Variants in ABCC11 observed in about 807,000 individuals in gnomAD.
ABCC11 encodes the protein ATP-binding cassette sub-family C member 11.
Under a neutral mutation model 149.3 loss-of-function variants are expected in ABCC11, and 135 were observed. The ratio of observed to expected loss-of-function variants is 0.90; its 90% CI spans 0.79 to 1.04. The LOEUF (loss-of-function observed/expected upper bound fraction) is 1.04, where lower values mean the gene tolerates loss of function less well. Among genes scored for constraint, ABCC11 ranks in the 50% least tolerant of loss-of-function variants. ABCC11 has a pLI of 0.00. For synonymous variants in ABCC11, 665 were observed against 671.4 expected, an observed-to-expected ratio of 0.99 and a Z score of 0.15; for missense variants, 1,680 against 1,722.1, an observed-to-expected ratio of 0.98 and a Z score of 0.43.
At chr16:48,222,081 AT>A (rs113762005) in intron 6 of ABCC11, among the ~76,000 whole-genome samples, 1,643 of 137,722 alleles carry the variant, frequency 0.012, 14 homozygotes, top group African/African-American at 0.029. Context: ...AGCCCAGCTA[AT>A]TTTTTTTTTT....
intron 11 of ABCC11, 97 bp from the exon 12 acceptor site, chr16:48,208,593 C>G (rs770464617): frequency 7.6e-7 from 1 of 1,322,048 alleles, no homozygotes; most frequent in Non-Finnish European, 1.1e-6. Context: ...CAAAACAACA[C>G]ACAGAAAACA....
intron 3 of ABCC11, among the ~76,000 whole-genome samples, chr16:48,228,387 A>G (rs1970216556): frequency 6.6e-6 from 1 of 152,142 alleles, no homozygotes; most frequent in Non-Finnish European, 1.5e-5. Flanking sequence ...TGAGGTCAGG[A>G]GTTCGAGACC....
chr16:48,227,735 C>T, intron 4 of ABCC11, 71 bp downstream of exon 4: 2 of 1,596,164 alleles, frequency 1.3e-6, no homozygotes, highest in South Asian at 1.1e-5. Flanking sequence ...CACCCTTAGG[C>T]ATCTCTGGTC....
In ABCC11 at chr16:48,215,066, C is replaced by G. The variant is rs374819412; in HGVS notation, c.1100-37G>C. 1.5e-4 allele frequency: 239 copies of G among 1,608,964 alleles called. 1 individual carries two copies. Among genetic ancestry groups the G allele is most frequent in the Non-Finnish European group, 1.8e-4 (217 of 1,177,000 alleles). ...AAAAGAAATACACCAAAGATAACCA[C>G]AAGAACATTCTCCAAAGAGCACAGC... is the stretch of plus-strand genomic sequence containing the variant. On this transcript the variant is annotated intron_variant, in intron 8 of 29. Coordinates refer to ENST00000356608, the MANE Select transcript of ABCC11 (RefSeq NM_001370497.1).
intron 20 of ABCC11, among the ~76,000 whole-genome samples, chr16:48,191,347 G>A (rs1048716083): frequency 1.3e-5 from 2 of 152,136 alleles, no homozygotes; most frequent in African/African-American, 4.8e-5. Context: ...ACCAGCCTGC[G>A]CAACATGGCA....
chr16:48,190,209 A>G (rs1421455712), intron 20 of ABCC11, among the ~76,000 whole-genome samples: 1 of 152,170 alleles, frequency 6.6e-6, no homozygotes, highest in Admixed American at 6.5e-5. Flanking sequence ...CCCCCATTAG[A>G]CTATACATCC....
chr16:48,223,643 C>T (rs2150899346), intron 5 of ABCC11: 1 of 152,728 alleles, frequency 6.5e-6, no homozygotes, highest in South Asian at 2.1e-4. Flanking sequence ...CTAGGCTGGA[C>T]TGTAAATCAA....
chr16:48,209,760 G>T (rs1968758118), intron 11 of ABCC11: 1 of 152,080 alleles, frequency 6.6e-6, no homozygotes, highest in South Asian at 2.1e-4. Flanking sequence ...GGTCACGGGT[G>T]CACTAAAATC....
intron 1 of ABCC11, among the ~76,000 whole-genome samples, chr16:48,243,172 C>A (rs1049588843): frequency 2.0e-5 from 3 of 151,084 alleles, no homozygotes; most frequent in Non-Finnish European, 4.4e-5. Flanking sequence ...GAGGCCAAGG[C>A]GGGCAGATCA....
At position 48,215,211 on chromosome 16, in the gene ABCC11, G is replaced by A. The variant is rs759667730; in HGVS notation, c.1085C>T (p.Ala362Val). The A allele has an allele frequency of 1.9e-6, 3 of 1,609,154 alleles. No individual in the cohort carries two copies. The highest frequency in any genetic ancestry group is 1.3e-5 in the African/African-American group (1 of 74,874). The change falls in exon 8 of 30, where the codon GCA becomes GTA. Residue 362 changes from alanine to valine, a missense_variant. Ala to Val is a moderately conservative substitution (Grantham distance 64, BLOSUM62 0). Coordinates refer to ENST00000356608, the MANE Select transcript of ABCC11 (RefSeq NM_001370497.1). The part of the protein sequence containing the change: ...IKMYTWEKPF[A>V]KIIEDLRRKE... Reference sequence around the variant, plus strand: ...ACTTTCCATACCTTCAATGATTTTTGCAAATGGTTTCTCCCATGTGTACAT... The same window carrying A: ...ACTTTCCATACCTTCAATGATTTTTACAAATGGTTTCTCCCATGTGTACAT...
rs529394894 is a variant in ABCC11, at chr16:48,244,454, C to T, written c.-19+2860G>A. 18 of 1,596,462 alleles carry T rather than the reference C, an allele frequency of 1.1e-5. No homozygotes were observed. In the South Asian group the frequency reaches 1.8e-4, roughly 16 times the overall value. ...CGCTGCTGCTCACCCACGAGGGCGT[C>T]CTGCTGCCCGGCTCCACCATGCGCA... is the stretch of plus-strand genomic sequence containing the variant. On this transcript the variant is annotated intron_variant, in intron 1 of 29. Transcript: ENST00000356608.
At chr16:48,212,865 A>T (rs1969038000) in intron 10 of ABCC11, among the ~76,000 whole-genome samples, 2 of 152,196 alleles carry the variant, frequency 1.3e-5, no homozygotes, top group Admixed American at 1.3e-4. Flanking sequence ...CAGCTATGTA[A>T]ATAAGTGAAG....
intron 1 of ABCC11, chr16:48,244,523 C>G (rs1381918227): frequency 6.3e-7 from 1 of 1,585,484 alleles, no homozygotes; most frequent in African/African-American, 1.3e-5. Flanking sequence ...TGCGGAGCCG[C>G]CTTCTGAAGG....
At chr16:48,200,686 G>A (rs1190002789) in intron 14 of ABCC11, among the ~76,000 whole-genome samples, 1 of 152,200 alleles carries the variant, frequency 6.6e-6, no homozygotes, top group Non-Finnish European at 1.5e-5. Flanking sequence ...TGATCTCGTG[G>A]AGGTAGAGAG....
chr16:48,191,322 G>A (rs1370879402), intron 20 of ABCC11, among the ~76,000 whole-genome samples: 1 of 152,182 alleles, frequency 6.6e-6, no homozygotes, highest in Non-Finnish European at 1.5e-5. Flanking sequence ...GATGGCTTGA[G>A]CCCAGGAGTT....
chr16:48,246,757 T>C (rs920070675), intron 1 of ABCC11, among the ~76,000 whole-genome samples: 3 of 152,150 alleles, frequency 2.0e-5, no homozygotes, highest in African/African-American at 7.2e-5. Context: ...AAATTTTTTG[T>C]AGAAATGGGG....
chr16:48,175,135 C>CT (rs1567476569), intron 26 of ABCC11, 123 bp downstream of exon 26: 2 of 1,295,400 alleles, frequency 1.5e-6, no homozygotes, highest in Non-Finnish European at 2.1e-6. Context: ...CATGAGTGGC[C>CT]CAGCAGGCCA....
At chr16:48,174,381 T>A (rs1965902303) in intron 26 of ABCC11, among the ~76,000 whole-genome samples, 1 of 152,224 alleles carries the variant, frequency 6.6e-6, no homozygotes, top group Admixed American at 6.5e-5. Flanking sequence ...CTCCTGGCTC[T>A]AAGAATTCTC....
intron 3 of ABCC11, among the ~76,000 whole-genome samples, chr16:48,228,280 A>C (rs1278416736): frequency 6.6e-6 from 1 of 152,108 alleles, no homozygotes; most frequent in Non-Finnish European, 1.5e-5. Context: ...AAAGCCAAAA[A>C]AAAGCCACTT....
Sources: allele counts gnomAD v4.1 joint callset (sites outside exome capture counted in the v4.1 genomes callset), GRCh38; gene constraint gnomAD v4.1.1; transcripts MANE v1.5; gene names NCBI Gene and HGNC (gene_info 2026-07-23, HGNC 2026-07-21).